METTL15: variants seen among roughly 807,000 people sequenced by gnomAD.
METTL15 encodes methyltransferase 15, mitochondrial 12S rRNA N4-cytidine.
Under a neutral mutation model 38.3 loss-of-function variants are expected in METTL15, and 34 were observed. That is an observed-to-expected ratio of 0.89 (90% CI 0.68 to 1.18). The LOEUF (loss-of-function observed/expected upper bound fraction) is 1.18. METTL15 is among the 50% of genes most tolerant of loss of function. METTL15 has a pLI of 0.00. For synonymous variants in METTL15, 162 were observed against 170.9 expected, an observed-to-expected ratio of 0.95 and a Z score of 0.41; for missense variants, 438 against 498.4, an observed-to-expected ratio of 0.88 and a Z score of 1.15.
rs191915585 is a variant in METTL15 at position 28,392,823 on chromosome 11, C to T, written c.*358+30787C>T. 1.1e-3 allele frequency among the ~76,000 whole-genome samples: 160 copies of T among 151,852 alleles called. 1 individual carries two copies. Among genetic ancestry groups the T allele is most frequent in the Middle Eastern group, 6.8e-3 (2 of 294 alleles). Reference sequence around the variant, plus strand: ...GAACAAAAACAAAAAAACAAATAACCAATTAAAAACTGGGGAAAGTCCTTG... The same window carrying T: ...GAACAAAAACAAAAAAACAAATAACTAATTAAAAACTGGGGAAAGTCCTTG... On this transcript the variant is annotated intron_variant and NMD_transcript_variant, in intron 5 of 7. Transcript: ENST00000532947.
Position 28,310,185 on chromosome 11 carries a change from T to A in METTL15, c.778+13254T>A, listed in dbSNP as rs183421422. The stretch of plus-strand genomic sequence containing the variant: ...TGTGAGCCAGGAAACTTAGAAACTA[T>A]AAGTAGATGGTACTGGAAATATAGA... On this transcript the variant is annotated intron_variant, in intron 6 of 6. Coordinates refer to ENST00000407364, the MANE Select transcript of METTL15 (RefSeq NM_001113528.2). 2.5e-3 allele frequency among the ~76,000 whole-genome samples: 376 copies of A among 152,244 alleles called. 8 individuals are homozygous for A. Among genetic ancestry groups the A allele is most frequent in the Admixed American group, 0.023 (346 of 15,296 alleles).
chr11:28,330,270 C>T (rs1849772021), intron 6 of METTL15, 126 bp from the exon 7 acceptor site: 3 of 828,460 alleles, frequency 3.6e-6, no homozygotes, highest in African/African-American at 1.7e-5. Flanking sequence ...AATGAAGTGC[C>T]ACCACAATTT....
At chr11:28,254,582 T>G (rs1014199499) in intron 4 of METTL15, among the ~76,000 whole-genome samples, 3 of 152,136 alleles carry the variant, frequency 2.0e-5, no homozygotes, top group Non-Finnish European at 2.9e-5. Context: ...GGAGAGTCAC[T>G]CAAATGTTTT....
intron 6 of METTL15, chr11:28,327,854 A>C: frequency 2.7e-6 from 1 of 371,940 alleles, no homozygotes; most frequent in South Asian, 4.9e-5. Context: ...TAGTATGCAA[A>C]CATTTATTGA....
intron 3 of METTL15, among the ~76,000 whole-genome samples, chr11:28,209,495 T>G (rs943560548): frequency 1.3e-5 from 2 of 152,066 alleles, no homozygotes; most frequent in African/African-American, 4.8e-5. Context: ...ATGGTAAAAA[T>G]ATATTTAGCC....
At chr11:28,488,271 T>A (rs1851453955) in intron 6 of METTL15, among the ~76,000 whole-genome samples, 1 of 152,190 alleles carries the variant, frequency 6.6e-6, no homozygotes, top group Admixed American at 6.6e-5. Flanking sequence ...GCACACTTCA[T>A]GAGCTAACTT....
intron 5 of METTL15, among the ~76,000 whole-genome samples, chr11:28,293,515 CT>C (rs1856607768): frequency 6.6e-6 from 1 of 151,526 alleles, no homozygotes; most frequent in Non-Finnish European, 1.5e-5. Flanking sequence ...GTTCTTGTGG[CT>C]TAGGATTGAC....
At chr11:28,121,963 A>G (rs1391025867) in intron 3 of METTL15, among the ~76,000 whole-genome samples, 2 of 152,014 alleles carry the variant, frequency 1.3e-5, no homozygotes, top group African/African-American at 2.4e-5. Context: ...ATCTTTAGGG[A>G]GTCAAAGTAA....
intron 6 of METTL15, among the ~76,000 whole-genome samples, chr11:28,502,632 A>G (rs1382440156): frequency 1.3e-5 from 2 of 152,262 alleles, no homozygotes; most frequent in Admixed American, 6.5e-5. Flanking sequence ...AGATATGAAT[A>G]CAATTTTGGT....
At chr11:28,473,267 G>A (rs1332065390) in intron 6 of METTL15, among the ~76,000 whole-genome samples, 2 of 152,112 alleles carry the variant, frequency 1.3e-5, no homozygotes, top group African/African-American at 4.8e-5. Flanking sequence ...AGTATTCCCA[G>A]GAGTGCCTGG....
At chr11:28,232,629 G>T (rs1853733284) in intron 4 of METTL15, among the ~76,000 whole-genome samples, 1 of 151,808 alleles carries the variant, frequency 6.6e-6, no homozygotes, top group East Asian at 1.9e-4. Flanking sequence ...ATATCAGCAA[G>T]TATATTAAAA....
At chr11:28,196,815 AAAT>A (rs1851926917) in intron 3 of METTL15, among the ~76,000 whole-genome samples, 1 of 151,916 alleles carries the variant, frequency 6.6e-6, no homozygotes, top group African/African-American at 2.4e-5. Context: ...GGTCAGTAAA[AAAT>A]TGAGATATTT....
At chr11:28,157,597 T>G (rs1850306745) in intron 3 of METTL15, among the ~76,000 whole-genome samples, 1 of 152,206 alleles carries the variant, frequency 6.6e-6, no homozygotes. Flanking sequence ...CATCACCATG[T>G]GACCTGAACT....
intron 6 of METTL15, among the ~76,000 whole-genome samples, chr11:28,444,402 C>T (rs1332927671): frequency 6.6e-6 from 1 of 152,104 alleles, no homozygotes; most frequent in Non-Finnish European, 1.5e-5. Flanking sequence ...ATTAATCCAA[C>T]ATGGCTTATA....
intron 5 of METTL15, among the ~76,000 whole-genome samples, chr11:28,390,409 G>A (rs1180682463): frequency 3.3e-5 from 5 of 151,884 alleles, no homozygotes; most frequent in African/African-American, 4.8e-5. Flanking sequence ...TTTTGTATAA[G>A]GTGTAAGGAA....
intron 6 of METTL15, among the ~76,000 whole-genome samples, chr11:28,440,440 A>G (rs1851024593): frequency 6.6e-6 from 1 of 152,236 alleles, no homozygotes; most frequent in Non-Finnish European, 1.5e-5. Flanking sequence ...AATAAATCTC[A>G]TAAGTCTTTA....
At chr11:28,398,151 A>C (rs1183058645) in intron 5 of METTL15, among the ~76,000 whole-genome samples, 1 of 152,030 alleles carries the variant, frequency 6.6e-6, no homozygotes, top group Non-Finnish European at 1.5e-5. Context: ...TCACACCAAC[A>C]TGGCACATGT....
At chr11:28,122,642 T>C (rs972675544) in intron 3 of METTL15, among the ~76,000 whole-genome samples, 1 of 151,658 alleles carries the variant, frequency 6.6e-6, no homozygotes, top group African/African-American at 2.4e-5. Flanking sequence ...TCAAATCTAA[T>C]AATTACAGTG....
chr11:28,392,990 A>G (rs1219741376), intron 5 of METTL15, among the ~76,000 whole-genome samples: 1 of 152,100 alleles, frequency 6.6e-6, no homozygotes, highest in African/African-American at 2.4e-5. Flanking sequence ...AACGGGGAAA[A>G]AAAAGAAAAA....
Sources: allele counts gnomAD v4.1 joint callset (sites outside exome capture counted in the v4.1 genomes callset), GRCh38; gene constraint gnomAD v4.1.1; transcripts MANE v1.5; gene names NCBI Gene and HGNC (gene_info 2026-07-23, HGNC 2026-07-21).